The following ADSL variants were observed in gnomAD, a reference collection of about 807,000 sequenced individuals.
ADSL encodes the protein adenylosuccinase.
ADSL carries 44 observed loss-of-function variants against 62.1 expected under a neutral mutation model. That is an observed-to-expected ratio of 0.71 (90% CI 0.56 to 0.91). The LOEUF (loss-of-function observed/expected upper bound fraction) is 0.91. ADSL is among the 40% of genes least tolerant of loss of function. The pLI is 0.00. For synonymous variants in ADSL, 198 were observed against 220.5 expected (o/e 0.90, Z 0.90); for missense variants, 531 against 627.4 (o/e 0.85, Z 1.64).
chr22:40,346,651 C>T lies in ADSL; in HGVS notation c.93C>T (p.Ser31=). 1 of 1,613,058 alleles carries T rather than the reference C, an allele frequency of 6.2e-7. No individual in the cohort carries two copies. Among genetic ancestry groups the T allele is most frequent in the Middle Eastern group, 1.7e-4 (1 of 6,058 alleles). The stretch of plus-strand genomic sequence containing the variant: ...GCCCGGAGATGTGCTTCGTGTTTAG[C>T]GACAGGTATAAATTCCGGACATGGC... The part of the protein sequence containing the change: ...YASPEMCFVF[S]DRYKFRTWRQ... The change falls in exon 1 of 13, where the codon AGC becomes AGT. Residue 31 remains serine (S), a synonymous_variant. Coordinates refer to ENST00000623063, the MANE Select transcript of ADSL (RefSeq NM_000026.4).
intron 3 of ADSL, among the ~76,000 whole-genome samples, chr22:40,353,621 CTT>C (rs772788908): frequency 7.8e-5 from 9 of 114,756 alleles, no homozygotes; most frequent in African/African-American, 1.3e-4. Flanking sequence ...AAAGCATAGC[CTT>C]TTTTTTTTTT....
At chr22:40,361,075 T>G in intron 7 of ADSL, 198 bp from the exon 8 acceptor site, 1 of 678,686 alleles carries the variant, frequency 1.5e-6, no homozygotes, top group East Asian at 2.6e-5. Flanking sequence ...GCTCCTTGAA[T>G]TTGTCATCCC....
intron 3 of ADSL, 72 bp downstream of exon 3, chr22:40,353,189 A>G: frequency 8.3e-7 from 1 of 1,198,628 alleles, no homozygotes; most frequent in Non-Finnish European, 1.2e-6. Flanking sequence ...AGTTACAACT[A>G]AATCAACACA....
At chr22:40,380,166 T>A (rs1296967182) in intron 2 of ADSL, among the ~76,000 whole-genome samples, 1 of 152,148 alleles carries the variant, frequency 6.6e-6, no homozygotes. Flanking sequence ...CCAAGAGAAC[T>A]TTATACAGTG....
rs966683871 is a variant in ADSL at position 40,368,666 on chromosome 22, C to G, written c.*2144C>G. ...GGGCCGGGTGCGGTGGTGGCTCACG[C>G]CTGTAATCCCAACACTTTGGGAGGC... is the stretch of plus-strand genomic sequence containing the variant. On this transcript the variant is annotated 3_prime_UTR_variant, in exon 13 of 13. Coordinates refer to ENST00000623063, the MANE Select transcript of ADSL (RefSeq NM_000026.4). 8 of 152,204 alleles carry G rather than the reference C, an allele frequency of 5.3e-5. No homozygotes were observed. The highest frequency in any genetic ancestry group is 1.9e-4 in the African/African-American group (8 of 41,424). The allele number at this position is 152,204 out of a possible 1,614,324, so 9.4% of individuals were successfully genotyped here. A position where few individuals can be genotyped will look rare whatever the true frequency, so the allele number is the denominator to read the frequency against.
chr22:40,346,795 A>G (rs1008027653), intron 1 of ADSL, 84 bp downstream of exon 1: 38 of 1,422,010 alleles, frequency 2.7e-5, no homozygotes, highest in Non-Finnish European at 3.3e-5. Flanking sequence ...GGCTGGGCTT[A>G]GCCACCCCGG....
At chr22:40,356,581 A>G (rs1001873267) in intron 4 of ADSL, among the ~76,000 whole-genome samples, 5 of 151,580 alleles carry the variant, frequency 3.3e-5, no homozygotes, top group Admixed American at 6.6e-5. Context: ...ATAGTGACTT[A>G]TGGCTGTAAT....
chr22:40,361,821 G>C (rs1014581236), intron 9 of ADSL, 186 bp downstream of exon 9: 17 of 777,746 alleles, frequency 2.2e-5, no homozygotes, highest in Non-Finnish European at 2.8e-5. Context: ...TGTGTACTGG[G>C]TACTGTGGAG....
At chr22:40,349,651 C>T (rs186437325) in intron 1 of ADSL, among the ~76,000 whole-genome samples, 181 bp from the exon 2 acceptor site, 3 of 152,178 alleles carry the variant, frequency 2.0e-5, no homozygotes, top group Admixed American at 2.0e-4. Flanking sequence ...TCTCTCCCAC[C>T]CCACCTCGAC....
At chr22:40,346,928 G>A (rs2044165768) in intron 1 of ADSL, among the ~76,000 whole-genome samples, 1 of 152,236 alleles carries the variant, frequency 6.6e-6, no homozygotes, top group South Asian at 2.1e-4. Flanking sequence ...AGTCCGAGAG[G>A]GTTCGAGACG....
downstream of ADSL, among the ~76,000 whole-genome samples, chr22:40,369,518 T>C (rs1409646258): frequency 6.8e-6 from 1 of 146,324 alleles, no homozygotes; most frequent in African/African-American, 2.6e-5. Flanking sequence ...TTTATATATA[T>C]ATATAGACAA....
chr22:40,353,346 C>G, intron 3 of ADSL: 1 of 703,104 alleles, frequency 1.4e-6, no homozygotes, highest in Non-Finnish European at 2.6e-6. Flanking sequence ...CTCATTCTGT[C>G]AAGGGGCGTG....
downstream of ADSL, among the ~76,000 whole-genome samples, chr22:40,370,371 A>T (rs1204113703): frequency 2.0e-5 from 3 of 151,950 alleles, no homozygotes; most frequent in African/African-American, 7.3e-5. Context: ...AAAAAAAAAA[A>T]AAAATTAGCA....
Position 40,360,481 on chromosome 22 carries a change from T to G in ADSL, c.781T>G (p.Ser261Ala). 1 of 1,613,972 alleles carries G rather than the reference T, an allele frequency of 6.2e-7. No homozygotes were observed. Among genetic ancestry groups the G allele is most frequent in the Non-Finnish European group, 8.5e-7 (1 of 1,179,836 alleles). The change falls in exon 7 of 13, where the codon TCA becomes GCA. Residue 261 changes from serine (S) to alanine (A), a missense_variant. Transcript: ENST00000623063. ...VLSVLASLGA[S>A]VHKICTDIRL... ...GTCTGTGCTGGCTAGCTTGGGGGCA[T>G]CAGTGCACAAGGTGAGTGGTGGCAG...
At chr22:40,359,476 C>CTTTTT (rs56719087) in intron 6 of ADSL, among the ~76,000 whole-genome samples, 170 bp downstream of exon 6, 4 of 43,872 alleles carry the variant, frequency 9.1e-5, no homozygotes, top group East Asian at 1.1e-3. Context: ...TATCTGGATT[C>CTTTTT]TTTTTTTTTT....
downstream of ADSL, chr22:40,369,504 A>G (rs1352451542): frequency 1.4e-5 from 2 of 144,302 alleles, no homozygotes; most frequent in Non-Finnish European, 3.0e-5. Context: ...TCATATATCT[A>G]TCTTTTATAT....
intron 1 of ADSL, among the ~76,000 whole-genome samples, chr22:40,347,779 A>G (rs765145313): frequency 1.3e-5 from 2 of 152,254 alleles, no homozygotes; most frequent in Non-Finnish European, 2.9e-5. Context: ...AAGAGTAGGT[A>G]TGAAATACTA....
downstream of ADSL, chr22:40,372,907 C>A (rs879357481): frequency 6.6e-6 from 1 of 152,192 alleles, no homozygotes; most frequent in African/African-American, 2.4e-5. Flanking sequence ...CAGCTGGTGA[C>A]GTCAGTAATT....
chr22:40,379,088 GC>G (rs1402566163), intron 2 of ADSL, among the ~76,000 whole-genome samples: 1 of 152,142 alleles, frequency 6.6e-6, no homozygotes, highest in Non-Finnish European at 1.5e-5. Context: ...TTACTCTGTA[GC>G]ACTATTCATC....
Sources: allele counts gnomAD v4.1 joint callset (sites outside exome capture counted in the v4.1 genomes callset), GRCh38; gene constraint gnomAD v4.1.1; transcripts MANE v1.5; gene names NCBI Gene and HGNC (gene_info 2026-07-23, HGNC 2026-07-21).